The following RAB3IP variants were observed in gnomAD, a reference collection of about 807,000 sequenced individuals.
RAB3IP encodes the protein rab-3A-interacting protein.
A neutral mutation model predicts 59.1 loss-of-function variants in RAB3IP; 36 were observed. The ratio of observed to expected loss-of-function variants is 0.61; its 90% confidence interval spans 0.47 to 0.80. RAB3IP has a LOEUF of 0.80. RAB3IP is among the 30% of genes least tolerant of loss of function. RAB3IP has a pLI of 0.00. For missense variants in RAB3IP, 511 were observed against 536.0 expected, an observed-to-expected ratio of 0.95 and a Z score of 0.46; for synonymous variants, 207 against 191.2, an observed-to-expected ratio of 1.08 and a Z score of -0.68.
chr12:69,801,548 GAAT>G, intron 7 of RAB3IP, 58 bp from the exon 8 acceptor site: 10 of 1,021,440 alleles, frequency 9.8e-6, no homozygotes, highest in Non-Finnish European at 1.3e-5. Context: ...GTTTACTGTA[GAAT>G]ACAATTTTGA....
chr12:69,752,004 C>CTT (rs769835694), intron 1 of RAB3IP, among the ~76,000 whole-genome samples: 4 of 129,494 alleles, frequency 3.1e-5, no homozygotes, highest in South Asian at 2.5e-4. Context: ...TTCTTTTGTT[C>CTT]TTTTTTTTTT....
Position 69,760,717 on chromosome 12 carries a change from A to G in RAB3IP, c.510+4054A>G, listed in dbSNP as rs1460127807. 2.6e-5 allele frequency among the ~76,000 whole-genome samples: 4 copies of G among 151,472 alleles called. No individual in the cohort carries two copies. The South Asian group carries it at 6.3e-4, about 24-fold the overall frequency. On this transcript the variant is annotated intron_variant, in intron 3 of 10. Coordinates refer to ENST00000247833, the MANE Select transcript of RAB3IP (RefSeq NM_022456.5). ...TTTTTTTTTTTTTGTTACTGTAAAG[A>G]TGTTGCTTCAGTGTTTTCAAGCATG... is the stretch of plus-strand genomic sequence containing the variant.
rs555619592 is a variant in RAB3IP, at chr12:69,820,395, T to A, written c.*4949T>A. On this transcript the variant is annotated 3_prime_UTR_variant, in exon 11 of 11. Transcript: ENST00000247833. ...TACCACTCTGCCCAAGCTATTATCA[T>A]CTTTCACCTGAACTCCTGCACTAAT... The A allele has an allele frequency of 4.6e-5, 7 of 152,270 alleles. No individual in the cohort carries two copies. The highest frequency in any genetic ancestry group is 1.7e-4 in the African/African-American group (7 of 41,502). The allele number at this position is 152,270 out of a possible 1,614,324, so 9.4% of individuals were successfully genotyped here.
chr12:69,750,716 T>TG (rs1361458463), intron 1 of RAB3IP, among the ~76,000 whole-genome samples: 2 of 143,888 alleles, frequency 1.4e-5, no homozygotes, highest in African/African-American at 5.0e-5. Flanking sequence ...TTGTTTGATT[T>TG]GGGGTCTTTC....
intron 3 of RAB3IP, among the ~76,000 whole-genome samples, chr12:69,760,066 C>G (rs1424132771): frequency 5.9e-5 from 9 of 152,200 alleles, no homozygotes; most frequent in Non-Finnish European, 1.3e-4. Context: ...CGAGATCATG[C>G]CACTGCACTC....
At chr12:69,797,224 T>C (rs1328063861) in intron 6 of RAB3IP, among the ~76,000 whole-genome samples, 2 of 152,194 alleles carry the variant, frequency 1.3e-5, no homozygotes, top group Non-Finnish European at 2.9e-5. Context: ...AGTGCAAGGC[T>C]TTGGGATCAA....
At chr12:69,741,725 A>G (rs1856004955) in intron 1 of RAB3IP, among the ~76,000 whole-genome samples, 1 of 152,230 alleles carries the variant, frequency 6.6e-6, no homozygotes, top group African/African-American at 2.4e-5. Context: ...TGACAGGTCT[A>G]GATTAGATGT....
chr12:69,810,649 A>G (rs1186656785), intron 8 of RAB3IP, among the ~76,000 whole-genome samples: 3 of 146,590 alleles, frequency 2.0e-5, no homozygotes, highest in African/African-American at 7.4e-5. Context: ...TGGAGAGGAA[A>G]GGGAAGATGT....
intron 1 of RAB3IP, among the ~76,000 whole-genome samples, chr12:69,752,745 CA>C (rs1468167397): frequency 6.6e-6 from 1 of 152,082 alleles, no homozygotes; most frequent in Non-Finnish European, 1.5e-5. Context: ...AAGAAAGAAT[CA>C]TAAATAGTTA....
intron 3 of RAB3IP, among the ~76,000 whole-genome samples, chr12:69,765,960 GA>G (rs1459548025): frequency 6.6e-6 from 1 of 152,328 alleles, no homozygotes; most frequent in East Asian, 1.9e-4. Flanking sequence ...CAGAATGCTG[GA>G]AATAGGTCCC....
chr12:69,796,738 C>G (rs1180888130), intron 6 of RAB3IP: 1 of 491,480 alleles, frequency 2.0e-6, no homozygotes, highest in East Asian at 3.3e-5. Flanking sequence ...CTTCTTTGTC[C>G]TAACTTTAAT....
At chr12:69,782,781 A>G (rs1874958979) in intron 3 of RAB3IP, among the ~76,000 whole-genome samples, 1 of 150,994 alleles carries the variant, frequency 6.6e-6, no homozygotes, top group Non-Finnish European at 1.5e-5. Context: ...ACCCCAGTCC[A>G]TCATGTTACA....
chr12:69,811,307 A>G (rs1344536057), intron 8 of RAB3IP, among the ~76,000 whole-genome samples: 1 of 152,188 alleles, frequency 6.6e-6, no homozygotes, highest in African/African-American at 2.4e-5. Context: ...ACCCAGGGTG[A>G]TGAAATAATA....
At chr12:69,759,292 A>G (rs369536015) in intron 3 of RAB3IP, among the ~76,000 whole-genome samples, 1 of 150,914 alleles carries the variant, frequency 6.6e-6, no homozygotes, top group African/African-American at 2.4e-5. Flanking sequence ...CAGAGAGCAC[A>G]GGGTTGGGGG....
intron 3 of RAB3IP, among the ~76,000 whole-genome samples, chr12:69,761,129 TC>T (rs1565882594): frequency 1.3e-5 from 2 of 152,214 alleles, no homozygotes. Context: ...GTGGGTAGTT[TC>T]TATTGCTATG....
chr12:69,802,264 T>C (rs1878513669), intron 8 of RAB3IP, among the ~76,000 whole-genome samples: 1 of 152,048 alleles, frequency 6.6e-6, no homozygotes, highest in African/African-American at 2.4e-5. Flanking sequence ...CTAAGTCTTA[T>C]CGATCATGAA....
intron 3 of RAB3IP, among the ~76,000 whole-genome samples, chr12:69,765,651 T>C (rs768106242): frequency 3.3e-5 from 5 of 152,224 alleles, no homozygotes; most frequent in Non-Finnish European, 7.3e-5. Context: ...CCCGCCTATA[T>C]CAAAGCCTCT....
chr12:69,764,654 TAC>T lies in RAB3IP; in HGVS notation c.510+7992_510+7993del. On this transcript the variant is annotated intron_variant, in intron 3 of 10. Coordinates refer to ENST00000247833, the MANE Select transcript of RAB3IP (RefSeq NM_022456.5). ...GTGTGGTTCCATATGAGTTTTTAAA[TAC>T]TTTTTTTTTTTTTAGTTCTGTGAAA... Among the ~76,000 whole-genome samples, 3 of 152,220 alleles carry T rather than the reference TAC, an allele frequency of 2.0e-5. No individual in the cohort carries two copies. In the South Asian group the frequency reaches 6.2e-4, roughly 32 times the overall value.
intron 3 of RAB3IP, among the ~76,000 whole-genome samples, chr12:69,759,623 C>T (rs1278354391): frequency 6.7e-6 from 1 of 150,212 alleles, no homozygotes; most frequent in Non-Finnish European, 1.5e-5. Flanking sequence ...CCCCCCACCT[C>T]CCTCCTGGAC....
Sources: gnomAD v4.1 joint callset for allele counts (sites outside exome capture counted in the v4.1 genomes callset) on GRCh38, gnomAD v4.1.1 for gene constraint, MANE v1.5 for transcripts, NCBI Gene and HGNC (gene_info 2026-07-23, HGNC 2026-07-21) for gene names.